The following DPP8 variants were observed in gnomAD, a reference collection of about 807,000 sequenced individuals.
The protein encoded by DPP8 is dipeptidyl peptidase 8, also known as DPP VIII.
A neutral mutation model predicts 107.5 loss-of-function variants in DPP8; 31 were observed. That is an observed-to-expected ratio of 0.29 (90% CI 0.22 to 0.39). The LOEUF (loss-of-function observed/expected upper bound fraction) is 0.39. Ranked by LOEUF, DPP8 falls within the 10% of genes least tolerant of loss-of-function variation. The pLI, the probability that DPP8 is intolerant of heterozygous loss-of-function variation, is 1.00. For missense variants in DPP8, 842 were observed against 1,076.1 expected (o/e 0.78, Z 3.04); for synonymous variants, 381 against 356.6 (o/e 1.07, Z -0.77).
chr15:65,504,549 G>C (rs1436172847), intron 3 of DPP8, among the ~76,000 whole-genome samples: 1 of 140,830 alleles, frequency 7.1e-6, no homozygotes, highest in East Asian at 2.2e-4. Flanking sequence ...GCACGCTATA[G>C]TCCCAGCTAC....
chr15:65,508,283 T>G (rs2070325009), intron 2 of DPP8, among the ~76,000 whole-genome samples: 1 of 152,056 alleles, frequency 6.6e-6, no homozygotes, highest in Non-Finnish European at 1.5e-5. Context: ...ATAAGACCTT[T>G]AGGGTTTCCA....
intron 3 of DPP8, among the ~76,000 whole-genome samples, chr15:65,506,004 T>C (rs2069932647): frequency 6.7e-6 from 1 of 149,260 alleles, no homozygotes; most frequent in Non-Finnish European, 1.5e-5. Flanking sequence ...TTAATTTCTA[T>C]GAGAAACAGC....
At position 65,446,855 on chromosome 15, in the gene DPP8, T is replaced by C. The variant is rs757174516; in HGVS notation, c.*29A>G. The C allele has an allele frequency of 4.4e-6, 7 of 1,586,164 alleles. No homozygotes were observed. Among genetic ancestry groups the C allele is most frequent in the Non-Finnish European group, 1.7e-6 (2 of 1,168,822 alleles). ...TCCTCATTTGGTTAAATAGCCAGTG[T>C]ATACCAGAGAGTTCTACACAGGTCA... On this transcript the variant is annotated 3_prime_UTR_variant, in exon 20 of 20. Coordinates refer to ENST00000300141, the MANE Select transcript of DPP8 (RefSeq NM_130434.5).
At position 65,446,740 on chromosome 15, in the gene DPP8, G is replaced by A. The variant is rs1432655412; in HGVS notation, c.*144C>T. On this transcript the variant is annotated 3_prime_UTR_variant, in exon 20 of 20. Transcript: ENST00000300141. ...TTACTACCACAAACCGTAGACCCCTGCATGGCACCACATTTATTTTCAGGA... is the reference window on the plus strand; with the variant it reads ...TTACTACCACAAACCGTAGACCCCTACATGGCACCACATTTATTTTCAGGA... The A allele has an allele frequency of 1.3e-6, 1 of 760,124 alleles. No homozygotes were observed. The highest frequency in any genetic ancestry group is 1.8e-5 in the African/African-American group (1 of 54,258). The allele number at this position is 760,124 out of a possible 1,614,324, so 47.1% of individuals were successfully genotyped here.
chr15:65,501,128 C>T (rs866962869), intron 3 of DPP8, among the ~76,000 whole-genome samples: 20 of 152,030 alleles, frequency 1.3e-4, no homozygotes, highest in Admixed American at 5.9e-4. Flanking sequence ...CCGCCTGCCT[C>T]GGCCTCCCAA....
Position 65,459,040 on chromosome 15 carries a change from T to TA in DPP8, c.1972-2670dup, listed in dbSNP as rs778137486. The TA allele has an allele frequency of 4.4e-3, 578 of 131,728 alleles. 4 individuals carry two copies. Among genetic ancestry groups the TA allele is most frequent in the African/African-American group, 0.011 (405 of 35,272 alleles). The allele number at this position is 131,728 out of a possible 1,614,324, so 8.2% of individuals were successfully genotyped here. A position where few individuals can be genotyped will look rare whatever the true frequency, so the allele number is the denominator to read the frequency against. ...AGATTCTTTATTTTTTTTTTAACCT[T>TA]AAAAAAAAAAAAGGCGGGGGGGGTC... On this transcript the variant is annotated intron_variant, in intron 15 of 19. Coordinates refer to ENST00000300141, the MANE Select transcript of DPP8 (RefSeq NM_130434.5).
intron 19 of DPP8, among the ~76,000 whole-genome samples, chr15:65,447,793 G>A (rs1054816743): frequency 6.6e-6 from 1 of 152,178 alleles, no homozygotes; most frequent in Non-Finnish European, 1.5e-5. Flanking sequence ...TGTTGCCAAT[G>A]ATAAAATCTG....
intron 15 of DPP8, among the ~76,000 whole-genome samples, chr15:65,461,325 T>C (rs752089921): frequency 1.3e-5 from 2 of 152,050 alleles, no homozygotes; most frequent in Non-Finnish European, 2.9e-5. Flanking sequence ...TATTTTTCTG[T>C]AGAGACGGGG....
chr15:65,474,711 C>CCCT (rs776508994), intron 11 of DPP8, among the ~76,000 whole-genome samples: 104 of 152,306 alleles, frequency 6.8e-4, no homozygotes, highest in Middle Eastern at 6.8e-3. Context: ...GCCTAAAGCC[C>CCCT]CCTGGCCTTG....
At chr15:65,515,207 G>C (rs972697314) in intron 1 of DPP8, among the ~76,000 whole-genome samples, 1 of 152,152 alleles carries the variant, frequency 6.6e-6, no homozygotes, top group Non-Finnish European at 1.5e-5. Context: ...GGGATTATAG[G>C]TGTGAGTCAC....
chr15:65,510,131 T>C (rs1011736055), intron 2 of DPP8, among the ~76,000 whole-genome samples: 4 of 151,714 alleles, frequency 2.6e-5, no homozygotes, highest in Non-Finnish European at 5.9e-5. Context: ...CTGGACAACA[T>C]GGCGAAACCC....
chr15:65,450,848 A>G, intron 19 of DPP8, 151 bp downstream of exon 19: 2 of 555,128 alleles, frequency 3.6e-6, no homozygotes, highest in South Asian at 5.0e-5. Context: ...TTATCCAACT[A>G]CAGGCACTAC....
intron 16 of DPP8, chr15:65,455,492 GTCT>G (rs2064338521): frequency 4.1e-6 from 1 of 242,826 alleles, no homozygotes; most frequent in African/African-American, 2.3e-5. Context: ...TTGAGGCCCT[GTCT>G]TCTTATTTCC....
Position 65,487,744 on chromosome 15 carries a change from T to C in DPP8, c.901A>G (p.Thr301Ala). The C allele has an allele frequency of 6.2e-7, 1 of 1,606,134 alleles. No homozygotes were observed. Among genetic ancestry groups the C allele is most frequent in the Non-Finnish European group, 8.5e-7 (1 of 1,173,510 alleles). The change falls in exon 7 of 20, where the codon ACA (threonine) becomes GCA (alanine). Residue 301 changes from threonine to alanine, a missense_variant. By Grantham distance (58) the Thr-to-Ala change is moderately conservative. This residue lies in a region of DPP8 where 663 missense variants were observed against 758.0 expected (regional missense o/e 0.87). Coordinates refer to ENST00000300141, the MANE Select transcript of DPP8 (RefSeq NM_130434.5). ...DESEVEIIHV[T>A]SPMLETRRAD... ...CTCCTTGTTTCCAACATAGGGGATGTAACATGAATAATTTCCACCTCAGAT... is the reference window on the plus strand; with the variant it reads ...CTCCTTGTTTCCAACATAGGGGATGCAACATGAATAATTTCCACCTCAGAT...
rs2066737152 is a variant in DPP8, at chr15:65,479,816, A to G, written c.1296+406T>C. On this transcript the variant is annotated intron_variant, in intron 10 of 19. Transcript: ENST00000300141. Reference sequence around the variant, plus strand: ...CCGAGATTGCACCACTGCAGTCCACAGTCTGGCCTGGGCGACAGAGCGAGA... The same window carrying G: ...CCGAGATTGCACCACTGCAGTCCACGGTCTGGCCTGGGCGACAGAGCGAGA... 2.1e-5 allele frequency among the ~76,000 whole-genome samples: 3 copies of G among 145,572 alleles called. No homozygotes were observed. In the South Asian group the frequency reaches 6.6e-4, roughly 32 times the overall value.
At chr15:65,469,323 G>A (rs996097376) in intron 12 of DPP8, among the ~76,000 whole-genome samples, 18 of 151,662 alleles carry the variant, frequency 1.2e-4, no homozygotes, top group South Asian at 2.1e-4. Flanking sequence ...ACACTTTGCT[G>A]TTGGTCCAGC....
chr15:65,516,954 G>GA (rs1284847784), intron 1 of DPP8: 1 of 152,664 alleles, frequency 6.6e-6, no homozygotes, highest in Non-Finnish European at 1.5e-5. Flanking sequence ...GGCAGGAAAG[G>GA]AAAGTGTCCT....
intron 12 of DPP8, among the ~76,000 whole-genome samples, chr15:65,469,526 A>C (rs1384767266): frequency 6.6e-6 from 1 of 151,160 alleles, no homozygotes; most frequent in Non-Finnish European, 1.5e-5. Context: ...GGTGGCATGC[A>C]CCTGTAATCC....
At chr15:65,494,159 T>TTTTTTTA (rs2068334307) in intron 5 of DPP8, among the ~76,000 whole-genome samples, 2 of 147,260 alleles carry the variant, frequency 1.4e-5, no homozygotes, top group African/African-American at 2.6e-5. Context: ...CTTTTTTTTT[T>TTTTTTTA]TTTTAGAGAC....
Sources: gnomAD v4.1 joint callset for allele counts (sites outside exome capture counted in the v4.1 genomes callset) on GRCh38, gnomAD v4.1.1 for gene constraint, gnomAD v4.1.1 regional missense constraint, MANE v1.5 for transcripts, NCBI Gene and HGNC (gene_info 2026-07-23, HGNC 2026-07-21) for gene names.